The following HLX variants were observed in gnomAD, a reference collection of about 807,000 sequenced individuals.
HLX encodes the protein H2.0 like homeobox, also known as H2.0-like homeobox protein.
Under a neutral mutation model 27.7 loss-of-function variants are expected in HLX, and 6 were observed. The observed-to-expected ratio is 0.22, with a 90% confidence interval of 0.12 to 0.43. HLX has a LOEUF of 0.43. HLX is among the 20% of genes least tolerant of loss of function. The pLI is 1.00. For missense variants in HLX, 666 were observed against 655.2 expected (o/e 1.02, Z -0.18); for synonymous variants, 328 against 293.8 (o/e 1.12, Z -1.19).
Position 220,880,151 on chromosome 1 carries a change from G to A in HLX, c.294G>A (p.Val98=). 6.2e-7 allele frequency: 1 copy of A among 1,612,220 alleles called. No individual in the cohort carries two copies. The highest frequency in any genetic ancestry group is 8.5e-7 in the Non-Finnish European group (1 of 1,179,466). Residue 98 remains valine (V), a synonymous_variant, in exon 1 of 4, where the codon GTG becomes GTA. Transcript: ENST00000366903. ...AARSPLRPTP[V]VAPSEVPAGF... is the part of the protein sequence containing the mutation. ...GATCCCCGCTTCGACCCACCCCAGT[G>A]GTGGCGCCCTCCGAAGTCCCGGCTG...
In HLX at chr1:220,879,799, G is replaced by C; in HGVS notation, c.-59G>C. 6 of 1,482,542 alleles carry C rather than the reference G, an allele frequency of 4.0e-6. No homozygotes were observed. Among genetic ancestry groups the C allele is most frequent in the Non-Finnish European group, 5.3e-6 (6 of 1,124,984 alleles). 91.8% of individuals were successfully genotyped at this position (1,482,542 alleles called of 1,614,324 possible). ...CTCCGGGACTCGCGCGCCCCTCCCCGCGCGCCCACCCACCCAGTCCGGCTG... is the reference window on the plus strand; with the variant it reads ...CTCCGGGACTCGCGCGCCCCTCCCCCCGCGCCCACCCACCCAGTCCGGCTG... On this transcript the variant is annotated 5_prime_UTR_variant, in exon 1 of 4. Coordinates refer to ENST00000366903, the MANE Select transcript of HLX (RefSeq NM_021958.4).
chr1:220,880,074 A>G lies in HLX; in HGVS notation c.217A>G (p.Thr73Ala). 1 of 1,591,184 alleles carries G rather than the reference A, an allele frequency of 6.3e-7. No individual in the cohort carries two copies. Among genetic ancestry groups the G allele is most frequent in the Non-Finnish European group, 8.5e-7 (1 of 1,172,490 alleles). ...GLAGASAAAL[T>A]AHLGSVHPHA... ...GGCAGGGGCCTCGGCCGCCGCCCTC[A>G]CCGCGCACTTGGGCTCGGTTCACCC... Residue 73 changes from threonine (T) to alanine (A), a missense_variant, in exon 1 of 4, where the codon ACC becomes GCC. By Grantham distance (58) the Thr-to-Ala change is moderately conservative. Coordinates refer to ENST00000366903, the MANE Select transcript of HLX (RefSeq NM_021958.4).
In HLX at chr1:220,880,311, T is replaced by G. The variant is rs936154881; in HGVS notation, c.454T>G (p.Ser152Ala). The G allele has an allele frequency of 1.9e-6, 3 of 1,613,630 alleles. No individual in the cohort carries two copies. The African/African-American group carries it at 4.0e-5, about 22-fold the overall frequency. The change falls in exon 1 of 4, where the codon TCG becomes GCG. Residue 152 changes from serine (S) to alanine (A), a missense_variant. Physicochemically the swap from Ser to Ala is moderately conservative, Grantham distance 99. Transcript: ENST00000366903. ...PRAGALQPPA[S>A]GTRVVPNPHH... Reference sequence around the variant, plus strand: ...GGCTGGCGCCCTGCAGCCCCCGGCCTCGGGGACGCGAGTGGTTCCGAACCC... The same window carrying G: ...GGCTGGCGCCCTGCAGCCCCCGGCCGCGGGGACGCGAGTGGTTCCGAACCC...
In HLX at chr1:220,880,104, G is replaced by A. The variant is rs745796063; in HGVS notation, c.247G>A (p.Ala83Thr). ...GCACTTGGGCTCGGTTCACCCGCACGCCTCTTTCCAAGCGGCGGCCAGATC... is the reference window on the plus strand; with the variant it reads ...GCACTTGGGCTCGGTTCACCCGCACACCTCTTTCCAAGCGGCGGCCAGATC... ...TAHLGSVHPHASFQAAARSPL... is the reference protein window; with the variant it reads ...TAHLGSVHPHTSFQAAARSPL... The change falls in exon 1 of 4, where the codon GCC becomes ACC. Residue 83 changes from alanine to threonine, a missense_variant. Physicochemically the swap from Ala to Thr is moderately conservative, Grantham distance 58 (BLOSUM62 0). Transcript: ENST00000366903. 1.0e-5 allele frequency: 16 copies of A among 1,599,604 alleles called. No homozygotes were observed. Among genetic ancestry groups the A allele is most frequent in the Middle Eastern group, 1.7e-4 (1 of 5,904 alleles).
At chr1:220,882,379 C>G (rs1674476602) in intron 3 of HLX, 31 bp downstream of exon 3, 1 of 1,608,878 alleles carries the variant, frequency 6.2e-7, no homozygotes, top group African/African-American at 1.3e-5. Context: ...GCGCACAGCG[C>G]CCTCGGGCGG....
Position 220,884,402 on chromosome 1 carries a change from A to C in HLX, c.1165A>C (p.Ser389Arg). The C allele has an allele frequency of 6.2e-7, 1 of 1,614,120 alleles. No individual in the cohort carries two copies. The highest frequency in any genetic ancestry group is 8.5e-7 in the Non-Finnish European group (1 of 1,180,018). The change falls in exon 4 of 4, where the codon AGC becomes CGC. Residue 389 changes from serine (S) to arginine (R), a missense_variant. Transcript: ENST00000366903. This position sits in a 1 kb window ranked among gnomAD's most constrained non-coding sequence, Gnocchi z 4.9. The part of the protein sequence containing the change: ...SDSESLDMAP[S>R]DTERTEGSER... ...CTCCGAGTCCCTGGACATGGCCCCC[A>C]GCGACACGGAGCGGACTGAGGGGAG... is the stretch of plus-strand genomic sequence containing the variant.
intron 1 of HLX, chr1:220,880,929 C>T (rs980173759): frequency 2.3e-5 from 11 of 479,212 alleles, no homozygotes; most frequent in Non-Finnish European, 4.1e-5. Flanking sequence ...TCTTGGAAGA[C>T]ACGTGAAAGT....
At chr1:220,881,401 AACGGGCGAGCCG>A (rs779883256) in intron 2 of HLX, 28 bp downstream of exon 2, 1 of 1,588,646 alleles carries the variant, frequency 6.3e-7, no homozygotes, top group South Asian at 1.1e-5. Flanking sequence ...AGTACTGCCT[AACGGGCGAGCCG>A]ACTAACAGTC....
At position 220,884,640 on chromosome 1, in the gene HLX, A is replaced by C; in HGVS notation, c.1403A>C (p.Gln468Pro). Residue 468 changes from glutamine to proline, a missense_variant, in exon 4 of 4, where the codon CAG (glutamine) becomes CCG (proline). Coordinates refer to ENST00000366903, the MANE Select transcript of HLX (RefSeq NM_021958.4). The surrounding 1 kb of genome is among the most constrained non-coding windows in gnomAD (Gnocchi z 4.9). ...GCCTCGGAGCTTCTCCCTGCAACAC[A>C]GCCCACAGCCAGCAGCGCTCCCAAA... ...GGASELLPAT[Q>P]PTASSAPKSP... 2 of 1,610,704 alleles carry C rather than the reference A, an allele frequency of 1.2e-6. No homozygotes were observed. Among genetic ancestry groups the C allele is most frequent in the Non-Finnish European group, 1.7e-6 (2 of 1,179,184 alleles).
Position 220,884,410 on chromosome 1 carries a change from G to A in HLX, c.1173G>A (p.Thr391=), listed in dbSNP as rs745344396. Residue 391 remains threonine, a synonymous_variant, in exon 4 of 4, where the codon ACG becomes ACA. Coordinates refer to ENST00000366903, the MANE Select transcript of HLX (RefSeq NM_021958.4). The surrounding 1 kb of genome is among the most constrained non-coding windows in gnomAD (Gnocchi z 4.9). Reference sequence around the variant, plus strand: ...CCCTGGACATGGCCCCCAGCGACACGGAGCGGACTGAGGGGAGTGAGCGTT... The same window carrying A: ...CCCTGGACATGGCCCCCAGCGACACAGAGCGGACTGAGGGGAGTGAGCGTT... ...SESLDMAPSD[T]ERTEGSERSL... 233 of 1,614,018 alleles carry A rather than the reference G, an allele frequency of 1.4e-4. No homozygotes were observed. The highest frequency in any genetic ancestry group is 1.7e-4 in the Non-Finnish European group (204 of 1,180,028).
chr1:220,881,089 G>A (rs761009131), intron 1 of HLX, 105 bp from the exon 2 acceptor site: 138 of 1,047,466 alleles, frequency 1.3e-4, no homozygotes, highest in Non-Finnish European at 1.9e-4. Flanking sequence ...TCTTGACTTC[G>A]CTCAATAAAA....
In HLX at chr1:220,882,207, C is replaced by CA; in HGVS notation, c.820dup (p.Arg274LysfsTer23). On this transcript the variant is annotated frameshift_variant, in exon 3 of 4. Coordinates refer to ENST00000366903, the MANE Select transcript of HLX (RefSeq NM_021958.4). LOFTEE classifies it high-confidence loss of function. The stretch of plus-strand genomic sequence containing the variant: ...CGAAGGACACCATGCCGCAGACGTA[C>CA]AAAAGGAAGCGTTCATGGTCGCGCG... The CA allele has an allele frequency of 6.2e-7, 1 of 1,614,190 alleles. No individual in the cohort carries two copies. Among genetic ancestry groups the CA allele is most frequent in the Non-Finnish European group, 8.5e-7 (1 of 1,180,016 alleles).
In HLX at chr1:220,880,316, G is replaced by C; in HGVS notation, c.459G>C (p.Gly153=). ...RAGALQPPAS[G]TRVVPNPHHS... is the part of the protein sequence containing the mutation. The stretch of plus-strand genomic sequence containing the variant: ...GCGCCCTGCAGCCCCCGGCCTCGGG[G>C]ACGCGAGTGGTTCCGAACCCCCACC... The change falls in exon 1 of 4, where the codon GGG becomes GGC. Residue 153 remains glycine (G), a synonymous_variant. Transcript: ENST00000366903. The C allele has an allele frequency of 6.2e-7, 1 of 1,613,628 alleles. No homozygotes were observed. The highest frequency in any genetic ancestry group is 8.5e-7 in the Non-Finnish European group (1 of 1,179,694).
In HLX at chr1:220,879,451, TC is replaced by T. The variant is rs35462307; in HGVS notation, c.-398del. 50,594 of 124,536 alleles carry T rather than the reference TC, an allele frequency of 0.41. 8,594 individuals carry two copies. The highest frequency in any genetic ancestry group is 0.49 in the East Asian group (2,575 of 5,214). The allele number at this position is 124,536 out of a possible 1,614,324, so 7.7% of individuals were successfully genotyped here. Reference sequence around the variant, plus strand: ...AGTTTTTTTTTTTTTCTATTACTTTTCCCCCCCCCTAACTAACGGACTATTA... The same window carrying T: ...AGTTTTTTTTTTTTTCTATTACTTTTCCCCCCCCTAACTAACGGACTATTA... On this transcript the variant is annotated 5_prime_UTR_variant, in exon 1 of 4. Transcript: ENST00000366903.
At position 220,879,798 on chromosome 1, in the gene HLX, C is replaced by T. The variant is rs911966557; in HGVS notation, c.-60C>T. The T allele has an allele frequency of 4.0e-6, 6 of 1,487,108 alleles. No homozygotes were observed. In the East Asian group the frequency reaches 1.0e-4, roughly 26 times the overall value. 92.1% of individuals were successfully genotyped at this position (1,487,108 alleles called of 1,614,324 possible). A position where few individuals can be genotyped will look rare whatever the true frequency, so the allele number is the denominator to read the frequency against. On this transcript the variant is annotated 5_prime_UTR_variant, in exon 1 of 4. Transcript: ENST00000366903. ...TCTCCGGGACTCGCGCGCCCCTCCC[C>T]GCGCGCCCACCCACCCAGTCCGGCT...
At chr1:220,880,946 G>C (rs1436382287) in intron 1 of HLX, 1 of 507,184 alleles carries the variant, frequency 2.0e-6, no homozygotes, top group Non-Finnish European at 3.6e-6. Flanking sequence ...AAGTGAGGCC[G>C]TAAGCCGATT....
chr1:220,882,463 A>C (rs771762760), intron 3 of HLX, 115 bp downstream of exon 3: 20 of 912,582 alleles, frequency 2.2e-5, no homozygotes, highest in Non-Finnish European at 3.2e-5. Context: ...CAAACGCAAG[A>C]TCTTGACTTT....
At position 220,884,056 on chromosome 1, in the gene HLX, C is replaced by G; in HGVS notation, c.958-139C>G. The stretch of plus-strand genomic sequence containing the variant: ...TTGGCTCCTGCGCCTACCACAGTGT[C>G]TGGTCCTTGGTAGAGTCGCCAAGTA... On this transcript the variant is annotated intron_variant, in intron 3 of 3. Transcript: ENST00000366903. The surrounding 1 kb of genome is among the most constrained non-coding windows in gnomAD (Gnocchi z 4.9). 1.2e-6 allele frequency: 1 copy of G among 853,084 alleles called. No homozygotes were observed. 52.8% of individuals were successfully genotyped at this position (853,084 alleles called of 1,614,324 possible). A position where few individuals can be genotyped will look rare whatever the true frequency, so the allele number is the denominator to read the frequency against.
chr1:220,882,019 C>G (rs746145614), intron 2 of HLX, 145 bp from the exon 3 acceptor site: 8 of 774,024 alleles, frequency 1.0e-5, no homozygotes, highest in African/African-American at 3.4e-5. Flanking sequence ...GGTGTATGTG[C>G]GAAGGGCTTT....
Sources: allele counts gnomAD v4.1 joint callset, GRCh38; gene constraint gnomAD v4.1.1; non-coding constraint Gnocchi (gnomAD v3.1); transcripts MANE v1.5; gene names NCBI Gene and HGNC (gene_info 2026-07-23, HGNC 2026-07-21).